HECTD4: variants seen among roughly 807,000 people sequenced by gnomAD.
HECTD4 encodes the protein probable E3 ubiquitin-protein ligase HECTD4.
Under a neutral mutation model 471.5 loss-of-function variants are expected in HECTD4, and 114 were observed. That is an observed-to-expected ratio of 0.24 (90% CI 0.21 to 0.28). HECTD4 has a LOEUF of 0.28. Ranked by LOEUF, HECTD4 falls within the 10% of genes least tolerant of loss-of-function variation. The probability of loss-of-function intolerance (pLI) is 1.00; values close to 1 mark genes in which losing one functional copy is unlikely to be tolerated. For missense variants in HECTD4, 3,866 were observed against 5,651.5 expected (o/e 0.68, Z 10.13); for synonymous variants, 2,012 against 2,256.0 (o/e 0.89, Z 3.07).
Position 112,306,265 on chromosome 12 carries a change from G to C in HECTD4, c.1165-31C>G, listed in dbSNP as rs771491922. 6.2e-6 allele frequency: 9 copies of C among 1,445,842 alleles called. No homozygotes were observed. In the South Asian group the frequency reaches 1.4e-4, roughly 23 times the overall value. 89.6% of individuals were successfully genotyped at this position (1,445,842 alleles called of 1,614,324 possible). ...CATGAAAGGGAGGAAATCTCCATTA[G>C]AGCCACATATAAATTCTGATTAATC... On this transcript the variant is annotated intron_variant, in intron 6 of 75. Coordinates refer to ENST00000682272, the MANE Select transcript of HECTD4 (RefSeq NM_001388303.1).
chr12:112,162,266 G>C lies in HECTD4; in HGVS notation c.*121C>G. 1 of 1,224,328 alleles carries C rather than the reference G, an allele frequency of 8.2e-7. No individual in the cohort carries two copies. The highest frequency in any genetic ancestry group is 1.2e-6 in the Non-Finnish European group (1 of 864,422). 75.8% of individuals were successfully genotyped at this position (1,224,328 alleles called of 1,614,324 possible). A position where few individuals can be genotyped will look rare whatever the true frequency, so the allele number is the denominator to read the frequency against. ...GGCCCTGGAATGTGGACGAAAGTTTGGAAAAGCAAAATGTTGCCAACTCCT... is the reference window on the plus strand; with the variant it reads ...GGCCCTGGAATGTGGACGAAAGTTTCGAAAAGCAAAATGTTGCCAACTCCT... On this transcript the variant is annotated 3_prime_UTR_variant, in exon 76 of 76. Transcript: ENST00000682272. This position sits in a 1 kb window ranked among gnomAD's most constrained non-coding sequence, Gnocchi z 5.2.
Position 112,235,413 on chromosome 12 carries a change from T to C in HECTD4, c.5725+91A>G. On this transcript the variant is annotated intron_variant, in intron 36 of 75. Transcript: ENST00000682272. This position sits in a 1 kb window ranked among gnomAD's most constrained non-coding sequence, Gnocchi z 5.0. The stretch of plus-strand genomic sequence containing the variant: ...CGCTCCCTTCTCTGTCACTCACTCT[T>C]TCATCATAGGAAGCACAGATGCAAG... The C allele has an allele frequency of 1.3e-6, 2 of 1,505,448 alleles. No individual in the cohort carries two copies. Among genetic ancestry groups the C allele is most frequent in the Non-Finnish European group, 1.8e-6 (2 of 1,117,772 alleles). The allele number at this position is 1,505,448 out of a possible 1,614,324, so 93.3% of individuals were successfully genotyped here.
intron 18 of HECTD4, among the ~76,000 whole-genome samples, chr12:112,260,618 C>G (rs1003571382): frequency 1.3e-5 from 2 of 151,882 alleles, no homozygotes; most frequent in Non-Finnish European, 2.9e-5. Flanking sequence ...GCTCTGTCAC[C>G]CAGGCTGGAG....
chr12:112,244,091 T>A, intron 29 of HECTD4, 82 bp from the exon 30 acceptor site: 1 of 1,397,178 alleles, frequency 7.2e-7, no homozygotes, highest in Non-Finnish European at 9.9e-7. Context: ...CCCAACAGTC[T>A]AAGTGTATCT....
intron 16 of HECTD4, among the ~76,000 whole-genome samples, chr12:112,264,831 C>T (rs769440975): frequency 3.3e-5 from 5 of 152,196 alleles, no homozygotes; most frequent in Non-Finnish European, 7.3e-5. Context: ...GTGGCGCGAT[C>T]TCAGCTCACT....
At chr12:112,264,795 T>A (rs2034230213) in intron 16 of HECTD4, among the ~76,000 whole-genome samples, 1 of 152,188 alleles carries the variant, frequency 6.6e-6, no homozygotes, top group Non-Finnish European at 1.5e-5. Context: ...GACGGAGTCT[T>A]GCTCTGTCAC....
At chr12:112,167,574 TG>T in intron 71 of HECTD4, 36 bp from the exon 72 acceptor site, 1 of 1,475,134 alleles carries the variant, frequency 6.8e-7, no homozygotes, top group Non-Finnish European at 9.2e-7. Flanking sequence ...GACCTGGGCG[TG>T]GGCCTCTGTG....
intron 54 of HECTD4, 66 bp from the exon 55 acceptor site, chr12:112,200,864 CGTGTGT>C (rs748581302): frequency 1.4e-6 from 2 of 1,394,274 alleles, no homozygotes; most frequent in African/African-American, 3.0e-5. Context: ...TGCGTGCGTG[CGTGTGT>C]GTGTGCGTGC....
intron 7 of HECTD4, among the ~76,000 whole-genome samples, chr12:112,286,605 T>C (rs543356610): frequency 4.0e-5 from 6 of 151,746 alleles, no homozygotes; most frequent in African/African-American, 9.7e-5. Flanking sequence ...GGCGGGAGGA[T>C]TGAAAGAGCC....
chr12:112,200,021 T>A (rs1325541196), intron 55 of HECTD4, among the ~76,000 whole-genome samples: 1 of 152,238 alleles, frequency 6.6e-6, no homozygotes, highest in African/African-American at 2.4e-5. Flanking sequence ...CCTCTTGCTG[T>A]CTCCGGTTGA....
Position 112,210,263 on chromosome 12 carries a change from G to A in HECTD4, c.7630-11C>T. On this transcript the variant is annotated splice_polypyrimidine_tract_variant and intron_variant, in intron 49 of 75. Coordinates refer to ENST00000682272, the MANE Select transcript of HECTD4 (RefSeq NM_001388303.1). Reference sequence around the variant, plus strand: ...TCGGGTTTTGGTGTTCTGGAAAGGAGACCAAATGAAGGATTTGGAAAGACT... The same window carrying A: ...TCGGGTTTTGGTGTTCTGGAAAGGAAACCAAATGAAGGATTTGGAAAGACT... The A allele has an allele frequency of 1.2e-6, 2 of 1,610,566 alleles. No individual in the cohort carries two copies. Among genetic ancestry groups the A allele is most frequent in the Non-Finnish European group, 1.7e-6 (2 of 1,176,900 alleles).
At chr12:112,175,438 C>A (rs1251378960) in intron 66 of HECTD4, among the ~76,000 whole-genome samples, 1 of 152,196 alleles carries the variant, frequency 6.6e-6, no homozygotes, top group Non-Finnish European at 1.5e-5. Context: ...GGCCTTCCAG[C>A]CTCCAGAACT....
In HECTD4 at chr12:112,162,735, T is replaced by C. The variant is rs2030740044; in HGVS notation, c.13121-212A>G. 1.7e-6 allele frequency: 1 copy of C among 583,240 alleles called. No homozygotes were observed. The highest frequency in any genetic ancestry group is 2.4e-5 in the South Asian group (1 of 40,984). The allele number at this position is 583,240 out of a possible 1,614,324, so 36.1% of individuals were successfully genotyped here. On this transcript the variant is annotated intron_variant, in intron 75 of 75. Coordinates refer to ENST00000682272, the MANE Select transcript of HECTD4 (RefSeq NM_001388303.1). This position sits in a 1 kb window ranked among gnomAD's most constrained non-coding sequence, Gnocchi z 5.2. ...CTGCTGGACAGCGCATGTGCCAAAC[T>C]GCTGATGGGTTTGTCTGCCCAGCAA...
In HECTD4 at chr12:112,308,318, C is replaced by A. The variant is rs1306173034; in HGVS notation, c.1164+435G>T. Among the ~76,000 whole-genome samples, 3 of 152,088 alleles carry A rather than the reference C, an allele frequency of 2.0e-5. No homozygotes were observed. The East Asian group carries it at 5.8e-4, about 29-fold the overall frequency. On this transcript the variant is annotated intron_variant, in intron 6 of 75. Transcript: ENST00000682272. Reference sequence around the variant, plus strand: ...CTAAAGCCAAGCTCTCAATCCCTAGCACACAATGATTTTACTCTACACTCA... The same window carrying A: ...CTAAAGCCAAGCTCTCAATCCCTAGAACACAATGATTTTACTCTACACTCA...
intron 55 of HECTD4, 130 bp from the exon 56 acceptor site, chr12:112,195,196 C>T (rs1375174395): frequency 1.5e-6 from 1 of 688,608 alleles, no homozygotes; most frequent in Non-Finnish European, 2.3e-6. Context: ...GTTCCAAACC[C>T]TAAAGGAGTC....
At chr12:112,207,112 GTGTGTGTA>G (rs1231552841) in intron 52 of HECTD4, among the ~76,000 whole-genome samples, 8 of 143,076 alleles carry the variant, frequency 5.6e-5, no homozygotes, top group Non-Finnish European at 7.5e-5. Flanking sequence ...GTATATGTGT[GTGTGTGTA>G]TGTATGTATG....
At position 112,193,370 on chromosome 12, in the gene HECTD4, G is replaced by A; in HGVS notation, c.8955+99C>T. ...AGGAAAAGGAAATCGAGAGGAATAGGGACTTGGAAGGGAAAGGGGAGTCAT... is the reference window on the plus strand; with the variant it reads ...AGGAAAAGGAAATCGAGAGGAATAGAGACTTGGAAGGGAAAGGGGAGTCAT... On this transcript the variant is annotated intron_variant, in intron 57 of 75. Coordinates refer to ENST00000682272, the MANE Select transcript of HECTD4 (RefSeq NM_001388303.1). This position sits in a 1 kb window ranked among gnomAD's most constrained non-coding sequence, Gnocchi z 5.2. 2 of 1,349,084 alleles carry A rather than the reference G, an allele frequency of 1.5e-6. No individual in the cohort carries two copies. Among genetic ancestry groups the A allele is most frequent in the Non-Finnish European group, 2.1e-6 (2 of 967,344 alleles). 83.6% of individuals were successfully genotyped at this position (1,349,084 alleles called of 1,614,324 possible).
intron 7 of HECTD4, among the ~76,000 whole-genome samples, chr12:112,296,232 G>A (rs1304959700): frequency 6.6e-6 from 1 of 151,294 alleles, no homozygotes; most frequent in African/African-American, 2.4e-5. Context: ...TGCAGACAGT[G>A]GTAGGTGCAG....
intron 38 of HECTD4, 120 bp downstream of exon 38, chr12:112,232,884 A>T: frequency 1.2e-6 from 1 of 810,976 alleles, no homozygotes; most frequent in Non-Finnish European, 2.0e-6. Context: ...TCAATTTCTC[A>T]CCTTGCCTCT....
Sources: gnomAD v4.1 joint callset for allele counts (sites outside exome capture counted in the v4.1 genomes callset) on GRCh38, gnomAD v4.1.1 for gene constraint, Gnocchi (gnomAD v3.1) non-coding constraint, MANE v1.5 for transcripts, NCBI Gene and HGNC (gene_info 2026-07-23, HGNC 2026-07-21) for gene names.